The following AZI2 variants were observed in gnomAD, a reference collection of about 807,000 sequenced individuals.
AZI2 encodes 5-azacytidine induced 2, also known as 5-azacytidine-induced protein 2.
A neutral mutation model predicts 45.8 loss-of-function variants in AZI2; 22 were observed. The observed-to-expected ratio is 0.48, with a 90% CI of 0.34 to 0.69. The LOEUF is 0.69. Among genes scored for constraint, AZI2 ranks in the 30% least tolerant of loss-of-function variants. The pLI, the probability that AZI2 is intolerant of heterozygous loss-of-function variation, is 0.01. For synonymous variants in AZI2, 137 were observed against 156.7 expected (o/e 0.87, Z 0.94); for missense variants, 417 against 441.5 (o/e 0.94, Z 0.50).
intron 7 of AZI2, among the ~76,000 whole-genome samples, chr3:28,325,899 A>G (rs527906448): frequency 6.6e-6 from 1 of 151,192 alleles, no homozygotes; most frequent in South Asian, 2.1e-4. Context: ...CTCTCTAAAA[A>G]TGAAAAGGAG....
intron 6 of AZI2, among the ~76,000 whole-genome samples, chr3:28,327,390 T>C (rs1703426131): frequency 1.3e-5 from 2 of 151,180 alleles, no homozygotes; most frequent in South Asian, 2.1e-4. Flanking sequence ...TGAATTGAAA[T>C]GATATATCAA....
intron 5 of AZI2, among the ~76,000 whole-genome samples, chr3:28,333,812 A>G (rs1577128698): frequency 1.3e-5 from 2 of 151,776 alleles, no homozygotes; most frequent in South Asian, 4.1e-4. Flanking sequence ...GCCCATGGCT[A>G]CAAAATCTTG....
chr3:28,348,717 C>A lies in AZI2; in HGVS notation c.-122G>T, dbSNP rs1704382934. 6.4e-6 allele frequency: 1 copy of A among 156,614 alleles called. No individual in the cohort carries two copies. The highest frequency in any genetic ancestry group is 1.4e-5 in the Non-Finnish European group (1 of 71,702). 9.7% of individuals were successfully genotyped at this position (156,614 alleles called of 1,614,324 possible). ...AGGGGTCACCACGGGCTTCCGGTTT[C>A]TTCGAAGACACCGCCGCTTCCACAG... is the stretch of plus-strand genomic sequence containing the variant. On this transcript the variant is annotated 5_prime_UTR_variant, in exon 1 of 8. An upstream open reading frame in the 5' UTR gains an earlier in-frame stop. Transcript: ENST00000479665.
At chr3:28,324,697 G>A (rs1703317101) in intron 7 of AZI2, 1 of 350,568 alleles carries the variant, frequency 2.9e-6, no homozygotes, top group Admixed American at 4.4e-5. Flanking sequence ...CTCTTTCCTT[G>A]TCTGCAGAAT....
intron 2 of AZI2, among the ~76,000 whole-genome samples, chr3:28,340,176 G>C (rs374147296): frequency 8.6e-5 from 13 of 150,852 alleles, no homozygotes; most frequent in African/African-American, 2.9e-4. Flanking sequence ...AAAAATATTT[G>C]GAATATAACT....
chr3:28,329,156 G>A (rs999929444), intron 6 of AZI2, among the ~76,000 whole-genome samples: 5 of 151,166 alleles, frequency 3.3e-5, no homozygotes, highest in African/African-American at 1.2e-4. Flanking sequence ...TCTAAAAACA[G>A]ATAAAGCACA....
chr3:28,336,183 T>C (rs992521750), intron 5 of AZI2, among the ~76,000 whole-genome samples: 1 of 152,062 alleles, frequency 6.6e-6, no homozygotes. Flanking sequence ...CTTCAGCAAC[T>C]TGGCAGGTTT....
Position 28,322,042 on chromosome 3 carries a change from T to G in AZI2, c.*2000A>C, listed in dbSNP as rs997868367. On this transcript the variant is annotated 3_prime_UTR_variant, in exon 8 of 8. Transcript: ENST00000479665. Reference sequence around the variant, plus strand: ...TACAGATGGGCCACTGTTTTTTGGTTGTTTGAATTTTACCTAGAACAGAGA... The same window carrying G: ...TACAGATGGGCCACTGTTTTTTGGTGGTTTGAATTTTACCTAGAACAGAGA... 2 of 151,308 alleles carry G rather than the reference T, an allele frequency of 1.3e-5. No homozygotes were observed. The highest frequency in any genetic ancestry group is 4.8e-5 in the African/African-American group (2 of 41,342). 9.4% of individuals were successfully genotyped at this position (151,308 alleles called of 1,614,324 possible).
chr3:28,342,487 G>A (rs1432238844), intron 1 of AZI2, among the ~76,000 whole-genome samples: 1 of 151,916 alleles, frequency 6.6e-6, no homozygotes, highest in Non-Finnish European at 1.5e-5. Flanking sequence ...GATGCAAGCT[G>A]CATTTTCTCC....
At chr3:28,327,046 A>T in intron 6 of AZI2, 96 bp from the exon 7 acceptor site, 1 of 838,012 alleles carries the variant, frequency 1.2e-6, no homozygotes, top group Non-Finnish European at 1.9e-6. Flanking sequence ...TTTCTGCTCC[A>T]ATTAGTTTTG....
chr3:28,328,462 CAG>C (rs2125641174), intron 6 of AZI2, among the ~76,000 whole-genome samples: 1 of 151,178 alleles, frequency 6.6e-6, no homozygotes, highest in African/African-American at 2.4e-5. Context: ...TGGTGCGAGA[CAG>C]TAAATCAGTG....
intron 3 of AZI2, 35 bp downstream of exon 3, chr3:28,338,457 CA>C (rs1703883733): frequency 6.8e-7 from 1 of 1,480,064 alleles, no homozygotes; most frequent in African/African-American, 1.4e-5. Context: ...AATTCATTTC[CA>C]AAATGCAGAT....
chr3:28,347,286 C>T (rs1053109760), intron 1 of AZI2, among the ~76,000 whole-genome samples: 8 of 152,138 alleles, frequency 5.3e-5, no homozygotes, highest in African/African-American at 1.9e-4. Context: ...TTAATAGTAG[C>T]CAAGCGTTTA....
chr3:28,328,395 G>A (rs925367248), intron 6 of AZI2, among the ~76,000 whole-genome samples: 4 of 151,078 alleles, frequency 2.6e-5, no homozygotes, highest in Non-Finnish European at 4.5e-5. Context: ...CTGAACATGT[G>A]CTAATTCATT....
chr3:28,329,104 TAAAATA>T (rs1409222957), intron 6 of AZI2, among the ~76,000 whole-genome samples: 1 of 151,266 alleles, frequency 6.6e-6, no homozygotes, highest in African/African-American at 2.4e-5. Context: ...TACAACTACT[TAAAATA>T]TTGAAATGTT....
chr3:28,332,593 T>C (rs1703626073), intron 5 of AZI2, among the ~76,000 whole-genome samples, 166 bp from the exon 6 acceptor site: 2 of 151,766 alleles, frequency 1.3e-5, no homozygotes, highest in Non-Finnish European at 1.5e-5. Context: ...ACCTCCAATC[T>C]ATAACAAATA....
rs1703226764 is a variant in AZI2 at position 28,322,782 on chromosome 3, G to A, written c.*1260C>T. ...TAATAGAAAAAAATATCTAGTGAATGGCGAACATTGTCTATGTATGTATGC... is the reference window on the plus strand; with the variant it reads ...TAATAGAAAAAAATATCTAGTGAATAGCGAACATTGTCTATGTATGTATGC... On this transcript the variant is annotated 3_prime_UTR_variant, in exon 8 of 8. Transcript: ENST00000479665. 1 of 151,412 alleles carries A rather than the reference G, an allele frequency of 6.6e-6. No individual in the cohort carries two copies. The highest frequency in any genetic ancestry group is 2.4e-5 in the African/African-American group (1 of 41,274). The allele number at this position is 151,412 out of a possible 1,614,324, so 9.4% of individuals were successfully genotyped here. A position where few individuals can be genotyped will look rare whatever the true frequency, so the allele number is the denominator to read the frequency against.
rs576378826 is a variant in AZI2, at chr3:28,326,706, C to A, written c.766+126G>T. The A allele has an allele frequency of 1.6e-4, 126 of 789,862 alleles. No homozygotes were observed. In the African/African-American group the frequency reaches 2.0e-3, roughly 13 times the overall value. The allele number at this position is 789,862 out of a possible 1,614,324, so 48.9% of individuals were successfully genotyped here. A position where few individuals can be genotyped will look rare whatever the true frequency, so the allele number is the denominator to read the frequency against. ...GCCAAAGCAGAGAATGGGTAGGCTG[C>A]GAATGTACTATATATACTTTGGCTT... On this transcript the variant is annotated intron_variant, in intron 7 of 7. Coordinates refer to ENST00000479665, the MANE Select transcript of AZI2 (RefSeq NM_022461.5).
chr3:28,330,567 C>G (rs1055900434), intron 6 of AZI2, among the ~76,000 whole-genome samples: 1 of 150,800 alleles, frequency 6.6e-6, no homozygotes, highest in African/African-American at 2.4e-5. Flanking sequence ...AATGATGAGG[C>G]GAAAAATAGA....
Sources: gnomAD v4.1 joint callset for allele counts (sites outside exome capture counted in the v4.1 genomes callset) on GRCh38, gnomAD v4.1.1 for gene constraint, MANE v1.5 for transcripts, NCBI Gene and HGNC (gene_info 2026-07-23, HGNC 2026-07-21) for gene names.